The following CTSH variants were observed in gnomAD, a reference collection of about 807,000 sequenced individuals.
CTSH encodes the protein cathepsin H.
Under a neutral mutation model 56.3 loss-of-function variants are expected in CTSH, and 52 were observed. The observed-to-expected ratio is 0.92, with a 90% CI of 0.74 to 1.16. CTSH has a LOEUF of 1.16. Ranked by LOEUF, CTSH falls within the 50% of genes most tolerant of loss-of-function variation. CTSH has a pLI of 0.00. For missense variants in CTSH, 406 were observed against 424.5 expected (o/e 0.96, Z 0.38); for synonymous variants, 174 against 155.7 (o/e 1.12, Z -0.88).
intron 4 of CTSH, 38 bp downstream of exon 4, chr15:78,935,641 TA>T: frequency 6.5e-7 from 1 of 1,545,678 alleles, no homozygotes; most frequent in Non-Finnish European, 8.9e-7. Flanking sequence ...AAGGTTTCAG[TA>T]AAAGGATTCA....
chr15:78,922,192 C>G lies in CTSH; in HGVS notation c.946G>C (p.Glu316Gln), dbSNP rs767948496. Residue 316 changes from glutamate to glutamine, a missense_variant, in exon 12 of 12, where the codon GAG becomes CAG. Physicochemically the swap from Glu to Gln is conservative, Grantham distance 29. Transcript: ENST00000220166. ...AGGCCACACATGTTCTTTCCGCGCT[C>G]GATGAGGAAGTACCTGGGCAGAAAG... ...QWGMNGYFLI[E>Q]RGKNMCGLAA... 8 of 1,579,960 alleles carry G rather than the reference C, an allele frequency of 5.1e-6. No homozygotes were observed. In the South Asian group the frequency reaches 9.3e-5, roughly 18 times the overall value.
At chr15:78,925,472 G>T in intron 9 of CTSH, 32 bp from the exon 10 acceptor site, 1 of 1,435,224 alleles carries the variant, frequency 7.0e-7, no homozygotes, top group Non-Finnish European at 9.8e-7. Context: ...AGAAACACAT[G>T]GCCTGTCACC....
Position 78,944,968 on chromosome 15 carries a change from A to C in CTSH, c.14T>G (p.Leu5Arg). 6.5e-7 allele frequency: 1 copy of C among 1,544,696 alleles called. No homozygotes were observed. Among genetic ancestry groups the C allele is most frequent in the Non-Finnish European group, 8.7e-7 (1 of 1,145,170 alleles). MWAT[L>R]PLLCAGAWLL... ...CCAGGCCCCGGCGCAGAGCAGCGGC[A>C]GCGTGGCCCACATCGCAGCGCTGGC... Residue 5 changes from leucine (L) to arginine (R), a missense_variant, in exon 1 of 12, where the codon CTG (leucine) becomes CGG (arginine). By Grantham distance (102) the Leu-to-Arg change is moderately radical (BLOSUM62 -2). Coordinates refer to ENST00000220166, the MANE Select transcript of CTSH (RefSeq NM_004390.5).
chr15:78,927,472 A>T (rs947766518), intron 9 of CTSH: 16 of 563,612 alleles, frequency 2.8e-5, no homozygotes, highest in African/African-American at 2.1e-4. Flanking sequence ...GAACCAAAAG[A>T]ATGAAGGCAT....
intron 8 of CTSH, among the ~76,000 whole-genome samples, chr15:78,928,564 CAAAAAAAAAAAAAAA>C (rs869261525): frequency 1.5e-5 from 1 of 65,882 alleles, no homozygotes; most frequent in African/African-American, 5.3e-5. Flanking sequence ...GACTCCGTCT[CAAAAAAAAAAAAAAA>C]AAAAAAAAAA....
At chr15:78,932,538 G>T in intron 5 of CTSH, 80 bp from the exon 6 acceptor site, 2 of 1,102,310 alleles carry the variant, frequency 1.8e-6, no homozygotes, top group South Asian at 1.3e-5. Flanking sequence ...TTCCTCTGCT[G>T]ACCCTGCCAG....
intron 11 of CTSH, 81 bp downstream of exon 11, chr15:78,922,912 C>A: frequency 1.3e-6 from 2 of 1,507,860 alleles, no homozygotes; most frequent in Non-Finnish European, 8.9e-7. Context: ...AGCCGTAACT[C>A]TGAGGTGGAA....
intron 5 of CTSH, among the ~76,000 whole-genome samples, chr15:78,933,990 C>T (rs2055120723): frequency 6.6e-6 from 1 of 152,206 alleles, no homozygotes. Context: ...GCCTCTCTTT[C>T]CCACCTGTCC....
chr15:78,944,876 G>A lies in CTSH; in HGVS notation c.91+15C>T. 1.3e-6 allele frequency: 2 copies of A among 1,544,712 alleles called. No individual in the cohort carries two copies. Among genetic ancestry groups the A allele is most frequent in the East Asian group, 2.5e-5 (1 of 40,488 alleles). The stretch of plus-strand genomic sequence containing the variant: ...GCCTGCTAGCACCCTCTCGGGCGGC[G>A]CGCCCTCTGCGTACCTAAGGAGTTC... On this transcript the variant is annotated intron_variant, in intron 1 of 11. Transcript: ENST00000220166.
intron 2 of CTSH, chr15:78,937,811 G>T (rs1312566238): frequency 1.5e-6 from 2 of 1,293,320 alleles, no homozygotes; most frequent in African/African-American, 3.0e-5. Context: ...AGTACACAGT[G>T]TGCTTTGGTT....
intron 2 of CTSH, chr15:78,937,747 A>G (rs1292875919): frequency 7.5e-7 from 1 of 1,330,386 alleles, no homozygotes; most frequent in East Asian, 4.7e-5. Context: ...TACAGCAAAG[A>G]TCACCATTTT....
In CTSH at chr15:78,932,368, T is replaced by G; in HGVS notation, c.492+4A>C. ...CAGGGGGTCGCCTGTGGCTGATTTC[T>G]TACCAAGGACAGCATCTTTCCGGTT... On this transcript the variant is annotated splice_donor_region_variant and intron_variant, in intron 6 of 11. Transcript: ENST00000220166. 1.2e-6 allele frequency: 2 copies of G among 1,613,788 alleles called. No homozygotes were observed. Among genetic ancestry groups the G allele is most frequent in the Middle Eastern group, 1.7e-4 (1 of 6,060 alleles).
chr15:78,927,662 G>A (rs1352495496), intron 9 of CTSH, 51 bp downstream of exon 9: 4 of 1,534,540 alleles, frequency 2.6e-6, no homozygotes, highest in Non-Finnish European at 2.7e-6. Context: ...GCATGAGAGA[G>A]GCCTCCTCAT....
At chr15:78,943,230 T>C (rs1179092611) in intron 1 of CTSH, among the ~76,000 whole-genome samples, 1 of 151,976 alleles carries the variant, frequency 6.6e-6, no homozygotes, top group Non-Finnish European at 1.5e-5. Flanking sequence ...ACAGCAGGTT[T>C]CAGGAAAGTA....
chr15:78,930,534 GAA>G (rs1299046913), intron 7 of CTSH, among the ~76,000 whole-genome samples: 1 of 135,850 alleles, frequency 7.4e-6, no homozygotes, highest in Non-Finnish European at 1.5e-5. Flanking sequence ...CTCAAAAAAA[GAA>G]AAAATAAATA....
intron 1 of CTSH, among the ~76,000 whole-genome samples, chr15:78,943,115 T>A (rs955666107): frequency 6.6e-6 from 1 of 152,164 alleles, no homozygotes; most frequent in Non-Finnish European, 1.5e-5. Context: ...GGAGAGATTA[T>A]TCTGGGGCCA....
chr15:78,928,924 G>A (rs1197903698), intron 8 of CTSH, among the ~76,000 whole-genome samples: 1 of 152,164 alleles, frequency 6.6e-6, no homozygotes, highest in African/African-American at 2.4e-5. Context: ...GGAAATAAAG[G>A]AGGAGCAACA....
At chr15:78,927,872 A>G in intron 8 of CTSH, 91 bp from the exon 9 acceptor site, 2 of 1,031,310 alleles carry the variant, frequency 1.9e-6, no homozygotes, top group Non-Finnish European at 1.5e-6. Context: ...TAAACAAAAC[A>G]AGATGTGCCA....
chr15:78,944,627 C>T, intron 1 of CTSH: 1 of 441,072 alleles, frequency 2.3e-6, no homozygotes, highest in Non-Finnish European at 3.8e-6. Flanking sequence ...CTTTGGTATT[C>T]TAGGCTGGAG....
Sources: gnomAD v4.1 joint callset for allele counts (sites outside exome capture counted in the v4.1 genomes callset) on GRCh38, gnomAD v4.1.1 for gene constraint, MANE v1.5 for transcripts, NCBI Gene and HGNC (gene_info 2026-07-23, HGNC 2026-07-21) for gene names.